The following ATP2B2 variants were observed in gnomAD, a reference collection of about 807,000 sequenced individuals.
ATP2B2 encodes the protein plasma membrane calcium-transporting ATPase 2.
A neutral mutation model predicts 120.0 loss-of-function variants in ATP2B2; 15 were observed. The ratio of observed to expected loss-of-function variants is 0.12; its 90% CI spans 0.08 to 0.19. The LOEUF (loss-of-function observed/expected upper bound fraction) is 0.19. ATP2B2 is among the 10% of genes least tolerant of loss of function. The pLI is 1.00. For missense variants in ATP2B2, 1,045 were observed against 1,719.8 expected, an observed-to-expected ratio of 0.61 and a Z score of 6.94; for synonymous variants, 694 against 700.3, an observed-to-expected ratio of 0.99 and a Z score of 0.14.
intron 10 of ATP2B2, among the ~76,000 whole-genome samples, chr3:10,376,992 G>A (rs1010467455): frequency 8.5e-5 from 13 of 152,178 alleles, no homozygotes; most frequent in Non-Finnish European, 1.3e-4. Context: ...AGAGCACCCT[G>A]TCAATAGATC....
chr3:10,411,260 G>A (rs534308310), intron 2 of ATP2B2, among the ~76,000 whole-genome samples: 1 of 152,308 alleles, frequency 6.6e-6, no homozygotes, highest in Admixed American at 6.5e-5. Context: ...AAATGTCTGG[G>A]GGCACCAGAC....
intron 2 of ATP2B2, among the ~76,000 whole-genome samples, chr3:10,417,076 G>A (rs1290591149): frequency 1.4e-5 from 2 of 139,434 alleles, no homozygotes; most frequent in African/African-American, 3.1e-5. Context: ...CGGCGGGGGG[G>A]GGCGGGCAGA....
chr3:10,651,427 G>A (rs2070458422), intron 1 of ATP2B2, among the ~76,000 whole-genome samples: 1 of 152,182 alleles, frequency 6.6e-6, no homozygotes, highest in South Asian at 2.1e-4. Context: ...AAAAGGGGAG[G>A]TTCCCTGCAT....
intron 14 of ATP2B2, among the ~76,000 whole-genome samples, chr3:10,355,061 G>T (rs967538911): frequency 6.6e-6 from 1 of 152,010 alleles, no homozygotes; most frequent in East Asian, 1.9e-4. Flanking sequence ...GCTAGAGGGG[G>T]CAGGAATGAC....
rs918755909 is a variant in ATP2B2, at chr3:10,663,148, G to A, written c.-459-43187C>T. 4.0e-5 allele frequency among the ~76,000 whole-genome samples: 6 copies of A among 151,310 alleles called. No homozygotes were observed. The East Asian group carries it at 7.8e-4, about 20-fold the overall frequency. The stretch of plus-strand genomic sequence containing the variant: ...AGGAGATATACCTAATGTAAATGAC[G>A]AGTTAACGGGTGCAGCACACCAACA... On this transcript the variant is annotated intron_variant, in intron 1 of 21. Transcript: ENST00000646379.
chr3:10,633,091 A>G (rs1367064096), intron 1 of ATP2B2, among the ~76,000 whole-genome samples: 1 of 152,198 alleles, frequency 6.6e-6, no homozygotes, highest in Non-Finnish European at 1.5e-5. Flanking sequence ...AGGGGCCCTG[A>G]GCCATGTGGG....
Position 10,371,924 on chromosome 3 carries a change from T to C in ATP2B2, c.1544A>G (p.Tyr515Cys), listed in dbSNP as rs368441051. Reference protein sequence around the residue: ...TTNRMTVVQAYVGDVHYKEIP... With the variant: ...TTNRMTVVQACVGDVHYKEIP... ...CTCTTTATAGTGGACGTCGCCGACA[T>C]AGGCCTGTACCACTGTCATGCGATT... The change falls in exon 12 of 23, where the codon TAT becomes TGT. Residue 515 changes from tyrosine (Y) to cysteine (C), a missense_variant. Transcript: ENST00000360273. 12 of 1,614,248 alleles carry C rather than the reference T, an allele frequency of 7.4e-6. No homozygotes were observed. The highest frequency in any genetic ancestry group is 1.0e-5 in the Non-Finnish European group (12 of 1,180,050).
rs116823006 is a variant in ATP2B2, at chr3:10,512,636, A to C, written c.-320+21403T>G. On this transcript the variant is annotated intron_variant, in intron 3 of 21. Coordinates refer to the ATP2B2 transcript ENST00000646379. ...GTATGACACACCTGGAGTTAGAATG[A>C]GAGCTTAGATCTTTCCTGGAAGGCT... 7.3e-3 allele frequency among the ~76,000 whole-genome samples: 1,110 copies of C among 152,268 alleles called. 17 individuals carry two copies. The highest frequency in any genetic ancestry group is 0.025 in the African/African-American group (1,056 of 41,538).
At chr3:10,503,089 G>T (rs181676829) in intron 1 of ATP2B2, among the ~76,000 whole-genome samples, 3 of 152,226 alleles carry the variant, frequency 2.0e-5, no homozygotes, top group Non-Finnish European at 4.4e-5. Context: ...CCATACCTGC[G>T]CCTGAGCTGG....
intron 21 of ATP2B2, chr3:10,338,998 C>G (rs144947343): frequency 6.5e-6 from 1 of 153,606 alleles, no homozygotes; most frequent in Admixed American, 6.4e-5. Flanking sequence ...AGGACCCAGA[C>G]GCAGGCCCTA....
At chr3:10,508,348 T>C (rs1467040919), upstream of ATP2B2, among the ~76,000 whole-genome samples, 1 of 152,174 alleles carries the variant, frequency 6.6e-6, no homozygotes, top group Admixed American at 6.5e-5. Context: ...ACCAACTGAG[T>C]TGGTTCATGC....
At chr3:10,401,977 C>T (rs2062235976) in intron 4 of ATP2B2, 114 bp downstream of exon 4, 2 of 1,547,820 alleles carry the variant, frequency 1.3e-6, no homozygotes, top group African/African-American at 1.4e-5. Flanking sequence ...GGTTTGGGAT[C>T]AGCCTTCAGG....
chr3:10,581,257 A>C (rs6803992), intron 2 of ATP2B2, among the ~76,000 whole-genome samples: 81,344 of 152,134 alleles, frequency 0.53, 22,514 homozygotes, highest in East Asian at 0.86. Flanking sequence ...CACAAGTGCA[A>C]GAGAAGAGAA....
At chr3:10,695,253 A>AGG (rs200981275) in intron 1 of ATP2B2, among the ~76,000 whole-genome samples, 14 of 83,870 alleles carry the variant, frequency 1.7e-4, no homozygotes, top group South Asian at 1.1e-3. Context: ...GGAGGGAGGG[A>AGG]GAGAGAGAGA....
chr3:10,390,602 A>G (rs531620059), intron 5 of ATP2B2, among the ~76,000 whole-genome samples: 1 of 152,154 alleles, frequency 6.6e-6, no homozygotes, highest in African/African-American at 2.4e-5. Context: ...GACACTCTCC[A>G]GTGATTCCTT....
At chr3:10,682,834 G>A (rs374195427) in intron 1 of ATP2B2, among the ~76,000 whole-genome samples, 82 of 152,306 alleles carry the variant, frequency 5.4e-4, no homozygotes, top group African/African-American at 1.7e-3. Context: ...TGATCCCACC[G>A]GCTTCTGATG....
At chr3:10,559,999 T>A (rs570468876) in intron 2 of ATP2B2, among the ~76,000 whole-genome samples, 1 of 152,384 alleles carries the variant, frequency 6.6e-6, no homozygotes, top group Admixed American at 6.5e-5. Context: ...ACACGAAAGA[T>A]GCTGGCCTCT....
At chr3:10,471,048 A>G (rs1282878263) in intron 1 of ATP2B2, among the ~76,000 whole-genome samples, 1 of 152,204 alleles carries the variant, frequency 6.6e-6, no homozygotes, top group African/African-American at 2.4e-5. Flanking sequence ...CAGGCCAGGC[A>G]CAAGCTGCTA....
intron 2 of ATP2B2, among the ~76,000 whole-genome samples, chr3:10,618,711 A>G (rs201132596): frequency 6.6e-6 from 1 of 152,228 alleles, no homozygotes; most frequent in East Asian, 1.9e-4. Flanking sequence ...CACTACTACA[A>G]CACACTTGTA....
Sources: gnomAD v4.1 joint callset for allele counts (sites outside exome capture counted in the v4.1 genomes callset) on GRCh38, gnomAD v4.1.1 for gene constraint, MANE v1.5 for transcripts, NCBI Gene and HGNC (gene_info 2026-07-23, HGNC 2026-07-21) for gene names.